The following BCAS3 variants were observed in gnomAD, a reference collection of about 807,000 sequenced individuals.
The protein encoded by BCAS3 is BCAS4/BCAS3 fusion.
In BCAS3, 53 loss-of-function variants were observed where a neutral mutation model predicts 116.1. That is an observed-to-expected ratio of 0.46 (90% CI 0.37 to 0.57). The LOEUF (loss-of-function observed/expected upper bound fraction) is 0.57. Ranked by LOEUF, BCAS3 falls within the 20% of genes least tolerant of loss-of-function variation. BCAS3 has a pLI of 0.00. For missense variants in BCAS3, 917 were observed against 1,165.4 expected, an observed-to-expected ratio of 0.79 and a Z score of 3.10; for synonymous variants, 391 against 408.2, an observed-to-expected ratio of 0.96 and a Z score of 0.51.
chr17:60,786,064 T>C (rs2046261627), intron 6 of BCAS3, among the ~76,000 whole-genome samples: 1 of 152,218 alleles, frequency 6.6e-6, no homozygotes, highest in Non-Finnish European at 1.5e-5. Context: ...GATTTTGGTA[T>C]CTGAGGGAGG....
rs1324946806 is a variant in BCAS3, at chr17:61,188,150, G to A, written c.2425+103586G>A. Among the ~76,000 whole-genome samples, 1 of 152,210 alleles carries A rather than the reference G, an allele frequency of 6.6e-6. No homozygotes were observed. Among genetic ancestry groups the A allele is most frequent in the African/African-American group, 2.4e-5 (1 of 41,456 alleles). ...GGCAGAATTGTAGGATTTCAGGGATGTCTTCACCCCTAAAACAATCTCTCC... is the reference window on the plus strand; with the variant it reads ...GGCAGAATTGTAGGATTTCAGGGATATCTTCACCCCTAAAACAATCTCTCC... On this transcript the variant is annotated intron_variant, in intron 22 of 23. Coordinates refer to ENST00000407086, the MANE Select transcript of BCAS3 (RefSeq NM_017679.5). The surrounding 1 kb of genome is among the most constrained non-coding windows in gnomAD (Gnocchi z 4.0).
chr17:61,301,542 C>T (rs2053436867), intron 22 of BCAS3, among the ~76,000 whole-genome samples: 1 of 152,074 alleles, frequency 6.6e-6, no homozygotes, highest in Non-Finnish European at 1.5e-5. Context: ...GAGGCTGGGT[C>T]AGGAGAATCG....
At chr17:61,138,069 A>G (rs2076738335) in intron 22 of BCAS3, among the ~76,000 whole-genome samples, 1 of 152,216 alleles carries the variant, frequency 6.6e-6, no homozygotes, top group Non-Finnish European at 1.5e-5. Context: ...TGAGGCTGGT[A>G]ATCTTTGGAA....
At position 61,034,847 on chromosome 17, in the gene BCAS3, A is replaced by G; in HGVS notation, c.1762+57A>G. 2 of 1,522,628 alleles carry G rather than the reference A, an allele frequency of 1.3e-6. No homozygotes were observed. Among genetic ancestry groups the G allele is most frequent in the South Asian group, 2.5e-5 (2 of 80,820 alleles). 94.3% of individuals were successfully genotyped at this position (1,522,628 alleles called of 1,614,324 possible). A position where few individuals can be genotyped will look rare whatever the true frequency, so the allele number is the denominator to read the frequency against. On this transcript the variant is annotated intron_variant, in intron 17 of 23. Transcript: ENST00000407086. The surrounding 1 kb of genome is among the most constrained non-coding windows in gnomAD (Gnocchi z 5.0). ...ATTTGTAATTTTTGCTTCTTAAGGA[A>G]AATTTTTAGCAGTTTCCCTAGAATA...
chr17:61,272,531 C>G (rs374608498), intron 22 of BCAS3, among the ~76,000 whole-genome samples: 3 of 141,566 alleles, frequency 2.1e-5, no homozygotes, highest in African/African-American at 7.7e-5. Flanking sequence ...CTCAGCTACT[C>G]GGGAGGCTGA....
intron 15 of BCAS3, among the ~76,000 whole-genome samples, chr17:60,992,543 G>A (rs2063592487): frequency 6.6e-6 from 1 of 152,072 alleles, no homozygotes; most frequent in South Asian, 2.1e-4. Context: ...GACAGTGGGA[G>A]GGGGTGAGGG....
At position 61,073,479 on chromosome 17, in the gene BCAS3, C is replaced by T. The variant is rs1210777278; in HGVS notation, c.2030-1441C>T. On this transcript the variant is annotated intron_variant, in intron 19 of 23. Transcript: ENST00000407086. This position sits in a 1 kb window ranked among gnomAD's most constrained non-coding sequence, Gnocchi z 4.6. ...CACTAAGATACAGTTTTTCAAAATA[C>T]TACCTTGTTCTAGCAAGAGCTCAGT... Among the ~76,000 whole-genome samples, 1 of 152,122 alleles carries T rather than the reference C, an allele frequency of 6.6e-6. No individual in the cohort carries two copies. Among genetic ancestry groups the T allele is most frequent in the Admixed American group, 6.5e-5 (1 of 15,274 alleles).
chr17:61,022,397 C>T (rs952477772), intron 16 of BCAS3, among the ~76,000 whole-genome samples: 1 of 152,064 alleles, frequency 6.6e-6, no homozygotes, highest in African/African-American at 2.4e-5. Context: ...GCGCCCGCCA[C>T]CACGCTTGGC....
At chr17:61,138,036 T>C (rs2143917694) in intron 22 of BCAS3, among the ~76,000 whole-genome samples, 1 of 152,304 alleles carries the variant, frequency 6.6e-6, no homozygotes, top group East Asian at 1.9e-4. Flanking sequence ...AGTTCTCATC[T>C]TTCAGATAGA....
intron 13 of BCAS3, among the ~76,000 whole-genome samples, chr17:60,936,442 C>G (rs1184765826): frequency 1.3e-5 from 2 of 152,092 alleles, no homozygotes; most frequent in African/African-American, 4.8e-5. Context: ...ACACTGACTT[C>G]CACAATGGTT....
chr17:60,813,001 C>T (rs2048979451), intron 7 of BCAS3, among the ~76,000 whole-genome samples: 1 of 152,140 alleles, frequency 6.6e-6, no homozygotes, highest in Non-Finnish European at 1.5e-5. Flanking sequence ...TCCCAGCCTG[C>T]CAAAATGTTG....
intron 7 of BCAS3, among the ~76,000 whole-genome samples, chr17:60,811,780 G>A (rs2048849781): frequency 6.6e-6 from 1 of 152,272 alleles, no homozygotes; most frequent in African/African-American, 2.4e-5. Context: ...GGATGCAGTG[G>A]CTCATGCCTA....
At chr17:60,864,772 T>C (rs1338875058) in intron 7 of BCAS3, among the ~76,000 whole-genome samples, 2 of 152,222 alleles carry the variant, frequency 1.3e-5, no homozygotes, top group African/African-American at 4.8e-5. Flanking sequence ...TAATCATTCC[T>C]AGCCTTTGAT....
intron 19 of BCAS3, among the ~76,000 whole-genome samples, chr17:61,042,435 T>G (rs2067587209): frequency 6.6e-6 from 1 of 152,144 alleles, no homozygotes; most frequent in East Asian, 1.9e-4. Context: ...TTATTGACAT[T>G]ACACTCTGCT....
At chr17:60,910,405 GT>G in intron 11 of BCAS3, 126 bp from the exon 12 acceptor site, 2 of 706,722 alleles carry the variant, frequency 2.8e-6, no homozygotes, top group Admixed American at 3.9e-5. Context: ...GTCTGTGACA[GT>G]TTACTGCTAT....
At chr17:61,287,398 G>A (rs1004553176) in intron 22 of BCAS3, among the ~76,000 whole-genome samples, 5 of 151,748 alleles carry the variant, frequency 3.3e-5, no homozygotes, top group African/African-American at 4.8e-5. Context: ...TCAGAGCAAC[G>A]TGGAGTCAGC....
At chr17:60,957,142 A>C (rs1003702706) in intron 14 of BCAS3, among the ~76,000 whole-genome samples, 1 of 152,186 alleles carries the variant, frequency 6.6e-6, no homozygotes, top group African/African-American at 2.4e-5. Flanking sequence ...TACTTTCTCA[A>C]ACAGACTCAA....
chr17:60,681,844 C>T (rs1410856892), intron 2 of BCAS3, among the ~76,000 whole-genome samples: 1 of 152,118 alleles, frequency 6.6e-6, no homozygotes, highest in South Asian at 2.1e-4. Flanking sequence ...ATTCTCCTGC[C>T]TCAGCCTCCC....
intron 14 of BCAS3, among the ~76,000 whole-genome samples, chr17:60,947,644 G>A (rs2060583565): frequency 6.6e-6 from 1 of 152,138 alleles, no homozygotes; most frequent in South Asian, 2.1e-4. Context: ...GAAAACTCCT[G>A]TCATTCATTT....
Sources: allele counts gnomAD v4.1 joint callset (sites outside exome capture counted in the v4.1 genomes callset), GRCh38; gene constraint gnomAD v4.1.1; non-coding constraint Gnocchi (gnomAD v3.1); transcripts MANE v1.5; gene names NCBI Gene and HGNC (gene_info 2026-07-23, HGNC 2026-07-21).